Variants in LSAMP observed in about 807,000 individuals in gnomAD.
LSAMP encodes the protein limbic system-associated membrane protein.
Under a neutral mutation model 38.6 loss-of-function variants are expected in LSAMP, and 7 were observed. That is an observed-to-expected ratio of 0.18 (90% CI 0.10 to 0.34). The LOEUF (loss-of-function observed/expected upper bound fraction) is 0.34. Ranked by LOEUF, LSAMP falls within the 10% of genes least tolerant of loss-of-function variation. The pLI is 1.00. For synonymous variants in LSAMP, 154 were observed against 166.8 expected, an observed-to-expected ratio of 0.92 and a Z score of 0.59; for missense variants, 313 against 420.0, an observed-to-expected ratio of 0.75 and a Z score of 2.23.
intron 2 of LSAMP, among the ~76,000 whole-genome samples, chr3:116,065,112 T>C (rs992638066): frequency 1.2e-4 from 18 of 152,334 alleles, no homozygotes; most frequent in African/African-American, 2.6e-4. Flanking sequence ...GAAGACAACA[T>C]ATCCCAAAAA....
At chr3:115,952,022 C>A (rs1938308848) in intron 3 of LSAMP, among the ~76,000 whole-genome samples, 1 of 152,148 alleles carries the variant, frequency 6.6e-6, no homozygotes, top group Non-Finnish European at 1.5e-5. Flanking sequence ...GAGATTACCA[C>A]CTTAGTCCTG....
chr3:116,035,842 G>T (rs566239307), intron 2 of LSAMP, among the ~76,000 whole-genome samples: 1 of 152,330 alleles, frequency 6.6e-6, no homozygotes, highest in African/African-American at 2.4e-5. Flanking sequence ...TGCTCACCAA[G>T]TATCTATGTT....
chr3:116,322,791 T>G (rs561340181), intron 1 of LSAMP, among the ~76,000 whole-genome samples: 1 of 152,244 alleles, frequency 6.6e-6, no homozygotes, highest in Non-Finnish European at 1.5e-5. Context: ...TTCTTTTTTC[T>G]CTCCTTTTCT....
At chr3:115,826,215 C>T (rs1934403710) in intron 6 of LSAMP, among the ~76,000 whole-genome samples, 1 of 152,010 alleles carries the variant, frequency 6.6e-6, no homozygotes, top group African/African-American at 2.4e-5. Context: ...CCTGGGTTCA[C>T]ATCATTCTCT....
chr3:116,102,209 C>A (rs1313412271), intron 1 of LSAMP, among the ~76,000 whole-genome samples: 1 of 152,182 alleles, frequency 6.6e-6, no homozygotes, highest in Non-Finnish European at 1.5e-5. Flanking sequence ...AGTCCAGATT[C>A]TTTCAGTCAA....
At position 115,810,237 on chromosome 3, in the gene LSAMP, C is replaced by CTG; in HGVS notation, c.*79_*80insCA. 1 of 971,072 alleles carries CTG rather than the reference C, an allele frequency of 1.0e-6. No individual in the cohort carries two copies. Among genetic ancestry groups the CTG allele is most frequent in the Non-Finnish European group, 1.5e-6 (1 of 649,482 alleles). 60.2% of individuals were successfully genotyped at this position (971,072 alleles called of 1,614,324 possible). Reference sequence around the variant, plus strand: ...GTCTCCCCCATCTCTCTCTCTCTCTCTCTCTCTGTCTCTCTCTCTCTGTAT... The same window carrying CTG: ...GTCTCCCCCATCTCTCTCTCTCTCTCTGTCTCTCTGTCTCTCTCTCTCTGTAT... On this transcript the variant is annotated 3_prime_UTR_variant, in exon 7 of 7. Transcript: ENST00000490035.
intron 6 of LSAMP, among the ~76,000 whole-genome samples, chr3:115,831,645 T>C (rs1441072248): frequency 6.6e-6 from 1 of 152,178 alleles, no homozygotes; most frequent in East Asian, 1.9e-4. Flanking sequence ...CCCCAGACAT[T>C]GAGAGCTGAC....
At chr3:116,155,777 C>G (rs1011969973) in intron 1 of LSAMP, among the ~76,000 whole-genome samples, 4 of 152,036 alleles carry the variant, frequency 2.6e-5, no homozygotes, top group African/African-American at 9.7e-5. Context: ...AACCAAAGTA[C>G]TTTCTCCACT....
intron 2 of LSAMP, among the ~76,000 whole-genome samples, chr3:116,026,732 C>T (rs1940800433): frequency 6.6e-6 from 1 of 152,194 alleles, no homozygotes; most frequent in Admixed American, 6.6e-5. Flanking sequence ...GGCCTCAAAT[C>T]TGTACTCCTC....
intron 2 of LSAMP, among the ~76,000 whole-genome samples, chr3:116,076,998 AGTTACCAAACTATT>A (rs1338556714): frequency 1.3e-5 from 2 of 151,934 alleles, no homozygotes; most frequent in Non-Finnish European, 2.9e-5. Context: ...TAAATGCACA[AGTTACCAAACTATT>A]GTTAGTATTC....
At chr3:116,291,514 C>T (rs979323757) in intron 1 of LSAMP, among the ~76,000 whole-genome samples, 1 of 152,156 alleles carries the variant, frequency 6.6e-6, no homozygotes, top group African/African-American at 2.4e-5. Context: ...TTCTCATATT[C>T]TATGAGACCA....
At chr3:116,067,317 G>A (rs1707481797) in intron 2 of LSAMP, among the ~76,000 whole-genome samples, 1 of 152,034 alleles carries the variant, frequency 6.6e-6, no homozygotes, top group Admixed American at 6.6e-5. Flanking sequence ...ACAAAAATGT[G>A]GCATTACTGG....
intron 2 of LSAMP, 24 bp downstream of exon 2, chr3:116,086,300 C>A (rs1707987374): frequency 1.3e-6 from 2 of 1,575,480 alleles, no homozygotes; most frequent in Non-Finnish European, 1.7e-6. Context: ...TTCTTACCAC[C>A]CTTCTATCCC....
At chr3:116,051,073 A>C (rs1941387151) in intron 2 of LSAMP, 1 of 152,176 alleles carries the variant, frequency 6.6e-6, no homozygotes, top group Non-Finnish European at 1.5e-5. Flanking sequence ...TGAGGGACAT[A>C]TTTGGGAGCC....
chr3:115,998,891 A>G (rs780954657), intron 3 of LSAMP, among the ~76,000 whole-genome samples: 1 of 152,132 alleles, frequency 6.6e-6, no homozygotes, highest in Non-Finnish European at 1.5e-5. Flanking sequence ...GCCAGGAATT[A>G]TAAGTCTGTC....
chr3:116,141,042 C>T (rs1289225601), intron 1 of LSAMP, among the ~76,000 whole-genome samples: 1 of 151,862 alleles, frequency 6.6e-6, no homozygotes, highest in Admixed American at 6.6e-5. Flanking sequence ...ATCCTTGTAT[C>T]TAGAAAGAAA....
chr3:116,210,505 T>C (rs151077146), intron 1 of LSAMP, among the ~76,000 whole-genome samples: 182 of 152,328 alleles, frequency 1.2e-3, no homozygotes, highest in African/African-American at 4.1e-3. Context: ...AGCAGTGATT[T>C]GCCAGGAGCT....
intron 1 of LSAMP, among the ~76,000 whole-genome samples, chr3:116,367,629 C>T (rs1034800941): frequency 1.3e-5 from 2 of 151,636 alleles, no homozygotes; most frequent in Non-Finnish European, 1.5e-5. Context: ...CTCAGGCTCC[C>T]GAGTAGCTGG....
At chr3:116,259,272 C>CT (rs1371785684) in intron 1 of LSAMP, among the ~76,000 whole-genome samples, 2 of 152,082 alleles carry the variant, frequency 1.3e-5, no homozygotes, top group African/African-American at 2.4e-5. Context: ...ACTCAAAAAC[C>CT]TTTTTTAGCT....
Sources: gnomAD v4.1 joint callset for allele counts (sites outside exome capture counted in the v4.1 genomes callset) on GRCh38, gnomAD v4.1.1 for gene constraint, MANE v1.5 for transcripts, NCBI Gene and HGNC (gene_info 2026-07-23, HGNC 2026-07-21) for gene names.